ZFYVE28: variants seen among roughly 807,000 people sequenced by gnomAD.
ZFYVE28 encodes the protein lateral signaling target protein 2 homolog.
ZFYVE28 carries 40 observed loss-of-function variants against 82.1 expected under a neutral mutation model. The ratio of observed to expected loss-of-function variants is 0.49; its 90% CI spans 0.38 to 0.63. ZFYVE28 has a LOEUF of 0.63. Ranked by LOEUF, ZFYVE28 falls within the 30% of genes least tolerant of loss-of-function variation. The pLI is 0.00. For missense variants in ZFYVE28, 1,321 were observed against 1,242.1 expected, an observed-to-expected ratio of 1.06 and a Z score of -0.96; for synonymous variants, 612 against 546.1, an observed-to-expected ratio of 1.12 and a Z score of -1.68.
At position 2,304,726 on chromosome 4, in the gene ZFYVE28, C is replaced by T. The variant is rs139789544; in HGVS notation, c.1614G>A (p.Ser538=). The T allele has an allele frequency of 6.3e-5, 102 of 1,612,704 alleles. No individual in the cohort carries two copies. Among genetic ancestry groups the T allele is most frequent in the Admixed American group, 1.3e-4 (8 of 60,014 alleles). Residue 538 remains serine, a synonymous_variant, in exon 8 of 13, where the codon TCG becomes TCA. Transcript: ENST00000290974. ...DSAVATQEAA[S]EPVAEGMDGG... is the part of the protein sequence containing the mutation. ...CATCCATCCCCTCGGCCACGGGCTC[C>T]GAGGCGGCCTCCTGGGTGGCGACCG...
Position 2,408,106 on chromosome 4 carries a change from C to A in ZFYVE28, c.39+10179G>T, listed in dbSNP as rs1270460174. The stretch of plus-strand genomic sequence containing the variant: ...GAAGTGGCCTATGGGGCTTTCCTGG[C>A]CCCCTGGCCTCCAGGCCTCAAGGCC... On this transcript the variant is annotated intron_variant, in intron 1 of 12. Transcript: ENST00000290974. The surrounding 1 kb of genome is among the most constrained non-coding windows in gnomAD (Gnocchi z 4.3). Among the ~76,000 whole-genome samples the A allele has an allele frequency of 6.6e-6, 1 of 151,836 alleles. No homozygotes were observed. Among genetic ancestry groups the A allele is most frequent in the African/African-American group, 2.4e-5 (1 of 41,362 alleles).
chr4:2,274,256 T>G (rs778531023), intron 8 of ZFYVE28, 40 bp from the exon 9 acceptor site: 7 of 1,596,444 alleles, frequency 4.4e-6, no homozygotes, highest in Middle Eastern at 1.7e-4. Context: ...GGGTGGGGCA[T>G]GATAAGGGGC....
At chr4:2,402,254 G>A (rs3128776) in intron 1 of ZFYVE28, among the ~76,000 whole-genome samples, 67,340 of 151,922 alleles carry the variant, frequency 0.44, 15,486 homozygotes, top group African/African-American at 0.57. Flanking sequence ...CTGGGTGGGC[G>A]GGGCCCCTCC....
In ZFYVE28 at chr4:2,270,650, G is replaced by C; in HGVS notation, c.*75C>G. 1.3e-6 allele frequency: 2 copies of C among 1,596,152 alleles called. No homozygotes were observed. Among genetic ancestry groups the C allele is most frequent in the South Asian group, 1.1e-5 (1 of 88,778 alleles). On this transcript the variant is annotated 3_prime_UTR_variant, in exon 13 of 13. Coordinates refer to ENST00000290974, the MANE Select transcript of ZFYVE28 (RefSeq NM_020972.3). The stretch of plus-strand genomic sequence containing the variant: ...GCAGCGGCCTCATGAGACGCAGTGA[G>C]ACCTGCCTGCAGCGTGGCCCCACCT...
intron 2 of ZFYVE28, among the ~76,000 whole-genome samples, chr4:2,353,218 G>A (rs1724735089): frequency 6.6e-6 from 1 of 152,238 alleles, no homozygotes; most frequent in Non-Finnish European, 1.5e-5. Context: ...CCAGGGCTGG[G>A]GTGCAGCCAG....
chr4:2,365,647 C>G (rs1020536761), intron 1 of ZFYVE28, among the ~76,000 whole-genome samples: 2 of 152,180 alleles, frequency 1.3e-5, no homozygotes, highest in Non-Finnish European at 2.9e-5. Context: ...GCTCGCCCCA[C>G]TCATGCTGGA....
At chr4:2,287,655 C>T (rs1417013439) in intron 8 of ZFYVE28, 8 of 152,356 alleles carry the variant, frequency 5.3e-5, no homozygotes, top group South Asian at 2.1e-4. Flanking sequence ...ATTTCCAGGA[C>T]GTCTGGAGCT....
At chr4:2,281,915 G>T (rs1296705906) in intron 8 of ZFYVE28, among the ~76,000 whole-genome samples, 1 of 152,188 alleles carries the variant, frequency 6.6e-6, no homozygotes, top group Admixed American at 6.5e-5. Flanking sequence ...CGAGAAGTGA[G>T]CTGGTGCCCA....
chr4:2,274,662 G>A (rs781245552), intron 8 of ZFYVE28, among the ~76,000 whole-genome samples: 1 of 152,162 alleles, frequency 6.6e-6, no homozygotes, highest in African/African-American at 2.4e-5. Flanking sequence ...TTTGGAAAAG[G>A]GGTCTCAGCA....
chr4:2,374,042 C>A (rs1727852201), intron 1 of ZFYVE28, among the ~76,000 whole-genome samples: 1 of 152,188 alleles, frequency 6.6e-6, no homozygotes, highest in Non-Finnish European at 1.5e-5. Context: ...CCAAGATGGG[C>A]TTCATCCAAC....
At chr4:2,290,544 T>A (rs962236509) in intron 8 of ZFYVE28, among the ~76,000 whole-genome samples, 1 of 152,132 alleles carries the variant, frequency 6.6e-6, no homozygotes, top group Non-Finnish European at 1.5e-5. Context: ...AGGAGATGTC[T>A]CCAAAAGCCG....
chr4:2,279,844 G>A (rs1441622143), intron 8 of ZFYVE28, among the ~76,000 whole-genome samples: 1 of 151,920 alleles, frequency 6.6e-6, no homozygotes, highest in Non-Finnish European at 1.5e-5. Context: ...TAGAACAGGC[G>A]AAACCCATAG....
intron 8 of ZFYVE28, among the ~76,000 whole-genome samples, chr4:2,284,691 CG>C (rs1383634544): frequency 1.3e-5 from 2 of 152,130 alleles, no homozygotes; most frequent in Non-Finnish European, 2.9e-5. Context: ...CAAAGACCTC[CG>C]GGGGGCTGAG....
chr4:2,337,469 C>T lies in ZFYVE28; in HGVS notation c.549G>A (p.Lys183=), dbSNP rs1202626862. ...GCTGCACGTAGTACTCCCTGGGGGA[C>T]TTCACAGGCACCATGGCCGAGACGT... is the stretch of plus-strand genomic sequence containing the variant. ...LSYVSAMVPV[K]SPREYYVQQE... is the part of the protein sequence containing the mutation. Residue 183 remains lysine, a synonymous_variant, in exon 5 of 13, where the codon AAG becomes AAA. Coordinates refer to ENST00000290974, the MANE Select transcript of ZFYVE28 (RefSeq NM_020972.3). The T allele has an allele frequency of 6.2e-7, 1 of 1,609,826 alleles. No individual in the cohort carries two copies. Among genetic ancestry groups the T allele is most frequent in the Non-Finnish European group, 8.5e-7 (1 of 1,177,924 alleles).
Position 2,304,969 on chromosome 4 carries a change from GTCCTCC to G in ZFYVE28, c.1365_1370del (p.Glu455_Glu456del), listed in dbSNP as rs1560173955. On this transcript the variant is annotated inframe_deletion, in exon 8 of 13. Transcript: ENST00000290974. ...CGGCCTCGAGATTGTTGTTGCTCAA[GTCCTCC>G]TCCTTTTCCGAGGCGGGCAAGCTGA... The G allele has an allele frequency of 6.2e-7, 1 of 1,612,726 alleles. No individual in the cohort carries two copies. The highest frequency in any genetic ancestry group is 8.5e-7 in the Non-Finnish European group (1 of 1,179,888).
At chr4:2,395,015 C>A (rs1730278872) in intron 1 of ZFYVE28, among the ~76,000 whole-genome samples, 1 of 152,228 alleles carries the variant, frequency 6.6e-6, no homozygotes, top group Non-Finnish European at 1.5e-5. Flanking sequence ...TGAAATGGCA[C>A]AGGGTGTAGT....
intron 1 of ZFYVE28, among the ~76,000 whole-genome samples, chr4:2,407,625 CA>C (rs1553868314): frequency 6.6e-6 from 1 of 152,188 alleles, no homozygotes; most frequent in Non-Finnish European, 1.5e-5. Flanking sequence ...GAAGCTCCCA[CA>C]ATTGCACAGG....
Position 2,377,129 on chromosome 4 carries a change from C to T in ZFYVE28, c.40-23056G>A, listed in dbSNP as rs538363891. On this transcript the variant is annotated intron_variant, in intron 1 of 12. Coordinates refer to ENST00000290974, the MANE Select transcript of ZFYVE28 (RefSeq NM_020972.3). ...CTCCACCTCCCGGGTTCACGCCATT[C>T]TCCTGCCTCAGCCTCCCGAGTAGCT... 2.5e-3 allele frequency among the ~76,000 whole-genome samples: 374 copies of T among 152,016 alleles called. 1 individual carries two copies. The highest frequency in any genetic ancestry group is 8.5e-3 in the African/African-American group (352 of 41,468).
intron 2 of ZFYVE28, among the ~76,000 whole-genome samples, chr4:2,344,508 T>C (rs1274036244): frequency 6.6e-6 from 1 of 152,180 alleles, no homozygotes; most frequent in Non-Finnish European, 1.5e-5. Context: ...TCTAAGTAAC[T>C]AAACTACATC....
Sources: gnomAD v4.1 joint callset for allele counts (sites outside exome capture counted in the v4.1 genomes callset) on GRCh38, gnomAD v4.1.1 for gene constraint, Gnocchi (gnomAD v3.1) non-coding constraint, MANE v1.5 for transcripts, NCBI Gene and HGNC (gene_info 2026-07-23, HGNC 2026-07-21) for gene names.